The following GLG1 variants were observed in gnomAD, a reference collection of about 807,000 sequenced individuals.
GLG1 encodes Golgi apparatus protein 1.
GLG1 carries 38 observed loss-of-function variants against 160.5 expected under a neutral mutation model. The observed-to-expected ratio is 0.24, with a 90% CI of 0.18 to 0.31. The LOEUF (loss-of-function observed/expected upper bound fraction) is 0.31. Among genes scored for constraint, GLG1 ranks in the 10% least tolerant of loss-of-function variants. GLG1 has a pLI of 1.00. For synonymous variants in GLG1, 644 were observed against 543.4 expected, an observed-to-expected ratio of 1.19 and a Z score of -2.57; for missense variants, 1,373 against 1,505.2, an observed-to-expected ratio of 0.91 and a Z score of 1.45.
At chr16:74,512,755 A>G (rs889364688) in intron 2 of GLG1, among the ~76,000 whole-genome samples, 1 of 152,138 alleles carries the variant, frequency 6.6e-6, no homozygotes, top group Admixed American at 6.6e-5. Context: ...AGGAAGAGTC[A>G]GGTTGGAAAG....
At chr16:74,567,721 A>G (rs2018698968) in intron 1 of GLG1, among the ~76,000 whole-genome samples, 1 of 150,952 alleles carries the variant, frequency 6.6e-6, no homozygotes, top group African/African-American at 2.4e-5. Flanking sequence ...GGCGCCCGCC[A>G]CCGCGCCCGG....
chr16:74,597,888 T>C (rs1005078351), intron 1 of GLG1, among the ~76,000 whole-genome samples: 22 of 142,142 alleles, frequency 1.5e-4, no homozygotes, highest in Middle Eastern at 3.9e-3. Flanking sequence ...TGGTGGTGTG[T>C]ACCTGTAGTC....
chr16:74,514,466 C>A (rs1053400021), intron 2 of GLG1, among the ~76,000 whole-genome samples: 13 of 152,128 alleles, frequency 8.5e-5, no homozygotes, highest in Admixed American at 8.5e-4. Context: ...ACAAGCAAGA[C>A]GAGAGTGGGG....
intron 1 of GLG1, among the ~76,000 whole-genome samples, chr16:74,561,633 T>C (rs2018516663): frequency 6.6e-6 from 1 of 152,224 alleles, no homozygotes; most frequent in Non-Finnish European, 1.5e-5. Context: ...TGTTAAGATA[T>C]GCAACTTGAA....
intron 1 of GLG1, among the ~76,000 whole-genome samples, chr16:74,606,080 A>G (rs1958558467): frequency 6.6e-6 from 1 of 152,190 alleles, no homozygotes; most frequent in African/African-American, 2.4e-5. Context: ...CAACTTTTCA[A>G]GCTTTGGGGC....
At chr16:74,514,884 C>T (rs969045956) in intron 2 of GLG1, among the ~76,000 whole-genome samples, 6 of 151,884 alleles carry the variant, frequency 4.0e-5, no homozygotes, top group African/African-American at 1.5e-4. Flanking sequence ...ATGCTGTATT[C>T]AGGAGACGCA....
At chr16:74,467,950 G>C (rs2015059347) in intron 17 of GLG1, 102 bp from the exon 18 acceptor site, 11 of 734,280 alleles carry the variant, frequency 1.5e-5, no homozygotes, top group Non-Finnish European at 2.3e-5. Flanking sequence ...TAGTGACCCT[G>C]GCTTCTACAT....
chr16:74,574,640 C>T (rs575684914), intron 1 of GLG1, among the ~76,000 whole-genome samples: 8 of 151,422 alleles, frequency 5.3e-5, no homozygotes, highest in African/African-American at 1.9e-4. Context: ...CCCAGCACTT[C>T]GGGAGGCTGA....
At chr16:74,567,302 A>G (rs1024754387) in intron 1 of GLG1, among the ~76,000 whole-genome samples, 3 of 152,084 alleles carry the variant, frequency 2.0e-5, no homozygotes, top group Non-Finnish European at 4.4e-5. Context: ...TCAATTACCA[A>G]TGTTGTAACA....
At chr16:74,478,562 G>A (rs187338680) in intron 11 of GLG1, among the ~76,000 whole-genome samples, 11 of 152,268 alleles carry the variant, frequency 7.2e-5, no homozygotes, top group African/African-American at 2.4e-4. Flanking sequence ...AAACTAGACA[G>A]ACATGATGAC....
intron 2 of GLG1, among the ~76,000 whole-genome samples, chr16:74,516,492 G>A (rs1433265769): frequency 6.6e-6 from 1 of 152,202 alleles, no homozygotes; most frequent in Non-Finnish European, 1.5e-5. Context: ...AAATAAGGAT[G>A]TTCTTTGAAA....
chr16:74,485,865 C>G lies in GLG1; in HGVS notation c.1502G>C (p.Arg501Pro). 1 of 1,610,568 alleles carries G rather than the reference C, an allele frequency of 6.2e-7. No individual in the cohort carries two copies. Among genetic ancestry groups the G allele is most frequent in the Non-Finnish European group, 8.5e-7 (1 of 1,176,800 alleles). The part of the protein sequence containing the change: ...TDPGADYRID[R>P]ALNEACESVI... ...AGATTCACAAGCTTCATTCAAAGCTCGATCAATGCGGTAATCTGCACCAGG... is the reference window on the plus strand; with the variant it reads ...AGATTCACAAGCTTCATTCAAAGCTGGATCAATGCGGTAATCTGCACCAGG... Residue 501 changes from arginine (R) to proline (P), a missense_variant, in exon 9 of 26, where the codon CGA becomes CCA. Physicochemically the swap from Arg to Pro is moderately radical, Grantham distance 103. Transcript: ENST00000422840.
chr16:74,492,885 A>C, intron 7 of GLG1, 72 bp downstream of exon 7: 1 of 792,014 alleles, frequency 1.3e-6, no homozygotes, highest in Non-Finnish European at 1.8e-6. Flanking sequence ...TAACGTTTAT[A>C]TATATAAAGC....
rs544953368 is a variant in GLG1 at position 74,456,251 on chromosome 16, T to C, written c.3372+398A>G. 1.2e-4 allele frequency among the ~76,000 whole-genome samples: 18 copies of C among 152,352 alleles called. No homozygotes were observed. The Middle Eastern group carries it at 0.01, about 86-fold the overall frequency. On this transcript the variant is annotated intron_variant, in intron 25 of 25. Coordinates refer to ENST00000422840, the MANE Select transcript of GLG1 (RefSeq NM_001145667.2). Reference sequence around the variant, plus strand: ...GAGAAAGGAGGGCCCTGGCAAAGCCTTGCAGACAGCCCGATGCACAGGGAG... The same window carrying C: ...GAGAAAGGAGGGCCCTGGCAAAGCCCTGCAGACAGCCCGATGCACAGGGAG...
At chr16:74,491,343 G>A (rs1343447977) in intron 7 of GLG1, 128 bp from the exon 8 acceptor site, 2 of 704,320 alleles carry the variant, frequency 2.8e-6, no homozygotes, top group Admixed American at 5.0e-5. Flanking sequence ...GCTAACATCT[G>A]AAAAGTTTAG....
intron 1 of GLG1, among the ~76,000 whole-genome samples, chr16:74,568,102 CAGGAATAAA>C (rs2018711386): frequency 6.6e-6 from 1 of 152,146 alleles, no homozygotes; most frequent in Admixed American, 6.5e-5. Context: ...CATGGAGGAA[CAGGAATAAA>C]AGCTACTTTG....
chr16:74,521,176 G>A lies in GLG1; in HGVS notation c.471+10945C>T, dbSNP rs370969265. Among the ~76,000 whole-genome samples, 17 of 152,294 alleles carry A rather than the reference G, an allele frequency of 1.1e-4. No homozygotes were observed. In the East Asian group the frequency reaches 1.2e-3, roughly 10 times the overall value. ...TGAAGAATAGCAAGGAGGACACTGT[G>A]GCTTAAGTAGAGGTGGCAAGGGGCA... is the stretch of plus-strand genomic sequence containing the variant. On this transcript the variant is annotated intron_variant, in intron 2 of 25. Transcript: ENST00000422840.
At chr16:74,537,680 G>C (rs1191271085) in intron 1 of GLG1, among the ~76,000 whole-genome samples, 1 of 145,074 alleles carries the variant, frequency 6.9e-6, no homozygotes, top group Non-Finnish European at 1.5e-5. Context: ...GTTCTTTCCA[G>C]CTTTATGAGT....
intron 1 of GLG1, among the ~76,000 whole-genome samples, chr16:74,561,169 A>G (rs1434527926): frequency 6.6e-6 from 1 of 152,180 alleles, no homozygotes; most frequent in African/African-American, 2.4e-5. Flanking sequence ...CTGGTGTCAG[A>G]GCTGGGCATG....
Sources: gnomAD v4.1 joint callset for allele counts (sites outside exome capture counted in the v4.1 genomes callset) on GRCh38, gnomAD v4.1.1 for gene constraint, MANE v1.5 for transcripts, NCBI Gene and HGNC (gene_info 2026-07-23, HGNC 2026-07-21) for gene names.